Variants in PCDH7 observed in about 807,000 individuals in gnomAD.
PCDH7 encodes the protein protocadherin-7.
PCDH7 carries 17 observed loss-of-function variants against 58.9 expected under a neutral mutation model. The observed-to-expected ratio is 0.29, with a 90% CI of 0.20 to 0.43. PCDH7 has a LOEUF of 0.43. Among genes scored for constraint, PCDH7 ranks in the 20% least tolerant of loss-of-function variants. PCDH7 has a pLI of 1.00. For missense variants in PCDH7, 1,274 were observed against 1,441.0 expected (o/e 0.88, Z 1.88); for synonymous variants, 664 against 616.4 (o/e 1.08, Z -1.14).
intron 3 of PCDH7, among the ~76,000 whole-genome samples, chr4:31,008,964 T>C (rs1382928220): frequency 2.0e-5 from 3 of 152,056 alleles, no homozygotes; most frequent in Non-Finnish European, 4.4e-5. Flanking sequence ...ACACTGTATG[T>C]CCCATCACAT....
chr4:30,927,245 A>C (rs1162490690), intron 2 of PCDH7, among the ~76,000 whole-genome samples: 2 of 152,172 alleles, frequency 1.3e-5, no homozygotes, highest in Non-Finnish European at 2.9e-5. Flanking sequence ...TTTTGCTTAT[A>C]GATTACATAT....
At chr4:31,064,801 T>C (rs928772012) in intron 3 of PCDH7, among the ~76,000 whole-genome samples, 12 of 152,006 alleles carry the variant, frequency 7.9e-5, no homozygotes, top group African/African-American at 2.9e-4. Context: ...AATTATGAGA[T>C]ACTTGGAATT....
At chr4:30,840,332 A>C (rs1039845349) in intron 1 of PCDH7, among the ~76,000 whole-genome samples, 2 of 152,054 alleles carry the variant, frequency 1.3e-5, no homozygotes, top group African/African-American at 4.8e-5. Context: ...TGGACTTGGC[A>C]GGAATGCCTT....
intron 3 of PCDH7, among the ~76,000 whole-genome samples, chr4:30,955,116 AT>A (rs974161637): frequency 6.6e-6 from 1 of 151,652 alleles, no homozygotes; most frequent in Non-Finnish European, 1.5e-5. Context: ...TTAAATTTCT[AT>A]TTTTTTTCTT....
chr4:30,989,917 G>A (rs1249494095), intron 3 of PCDH7, among the ~76,000 whole-genome samples: 1 of 152,086 alleles, frequency 6.6e-6, no homozygotes, highest in Non-Finnish European at 1.5e-5. Flanking sequence ...CTAGAAAAAT[G>A]TATTAGAATT....
At chr4:30,841,042 A>G (rs755626824) in intron 1 of PCDH7, among the ~76,000 whole-genome samples, 1 of 152,140 alleles carries the variant, frequency 6.6e-6, no homozygotes, top group Non-Finnish European at 1.5e-5. Context: ...AAGACTATGG[A>G]ATTTAAATAA....
At chr4:30,839,029 C>A (rs1408613368) in intron 1 of PCDH7, among the ~76,000 whole-genome samples, 2 of 151,760 alleles carry the variant, frequency 1.3e-5, no homozygotes, top group Non-Finnish European at 2.9e-5. Context: ...AACAATAGAG[C>A]ACTAGTATGA....
At chr4:30,889,427 A>G (rs1047778690) in intron 1 of PCDH7, among the ~76,000 whole-genome samples, 22 of 152,146 alleles carry the variant, frequency 1.4e-4, no homozygotes, top group African/African-American at 5.1e-4. Context: ...AGAATGTAAA[A>G]CACCAAATGA....
At chr4:31,115,546 T>C (rs1716891291) in intron 3 of PCDH7, among the ~76,000 whole-genome samples, 1 of 152,174 alleles carries the variant, frequency 6.6e-6, no homozygotes, top group Admixed American at 6.6e-5. Context: ...CACGTATGTA[T>C]ATTGTATAAG....
rs557897527 is a variant in PCDH7, at chr4:30,944,433, C to CA, written c.288-5686dup. 4.5e-4 allele frequency among the ~76,000 whole-genome samples: 68 copies of CA among 152,048 alleles called. No individual in the cohort carries two copies. In the South Asian group the frequency reaches 8.9e-3, roughly 20 times the overall value. ...TTTTAATGTTGAATATGATGAATAT[C>CA]AGCAGATATACCCCACATAAGCAAA... On this transcript the variant is annotated intron_variant, in intron 2 of 3. Transcript: ENST00000509759.
At chr4:31,082,068 G>A (rs1180973483) in intron 3 of PCDH7, among the ~76,000 whole-genome samples, 1 of 152,182 alleles carries the variant, frequency 6.6e-6, no homozygotes, top group African/African-American at 2.4e-5. Context: ...TTACAGGCGT[G>A]AGTCACCATG....
At chr4:30,992,745 C>A (rs1465317518) in intron 3 of PCDH7, among the ~76,000 whole-genome samples, 1 of 151,018 alleles carries the variant, frequency 6.6e-6, no homozygotes. Flanking sequence ...TCCTTGCTCC[C>A]AACTACTGTT....
intron 3 of PCDH7, among the ~76,000 whole-genome samples, chr4:30,998,179 A>G (rs1444946445): frequency 6.6e-6 from 1 of 152,158 alleles, no homozygotes; most frequent in South Asian, 2.1e-4. Flanking sequence ...AGAGTTGGCC[A>G]GACTAAGATG....
intron 1 of PCDH7, among the ~76,000 whole-genome samples, chr4:30,785,889 C>A (rs1723327787): frequency 6.6e-6 from 1 of 151,970 alleles, no homozygotes; most frequent in Admixed American, 6.6e-5. Context: ...AATATTCAGA[C>A]TTACTAAGAT....
At chr4:31,054,475 G>A (rs1756996139) in intron 3 of PCDH7, among the ~76,000 whole-genome samples, 1 of 152,160 alleles carries the variant, frequency 6.6e-6, no homozygotes, top group Admixed American at 6.6e-5. Context: ...CTTACAGTGA[G>A]CAAGAACATC....
At position 31,132,353 on chromosome 4, in the gene PCDH7, C is replaced by T. The variant is rs192356470; in HGVS notation, c.*8-10120C>T. On this transcript the variant is annotated intron_variant, in intron 3 of 3. Coordinates refer to the PCDH7 transcript ENST00000509759. ...GCAAAGATAAAATGAGCGCTTCCTTCAAGATTACAACCCAAAGGTGATATT... is the reference window on the plus strand; with the variant it reads ...GCAAAGATAAAATGAGCGCTTCCTTTAAGATTACAACCCAAAGGTGATATT... Among the ~76,000 whole-genome samples, 141 of 152,112 alleles carry T rather than the reference C, an allele frequency of 9.3e-4. No homozygotes were observed. In the Middle Eastern group the frequency reaches 0.01, roughly 11 times the overall value.
intron 1 of PCDH7, among the ~76,000 whole-genome samples, chr4:30,882,073 A>ATCC (rs1228281738): frequency 7.2e-6 from 1 of 139,348 alleles, no homozygotes; most frequent in African/African-American, 2.7e-5. Flanking sequence ...CCTACCTCTC[A>ATCC]TCCTCCTCCT....
In PCDH7 at chr4:30,817,825, G is replaced by A. The variant is rs371879836; in HGVS notation, c.70+93229G>A. On this transcript the variant is annotated intron_variant, in intron 1 of 3. Transcript: ENST00000509759. ...CCTGCTTCCAACCCTGGCCCCTACAGCACTCTATTTTTAAAACCATAGCCA... is the reference window on the plus strand; with the variant it reads ...CCTGCTTCCAACCCTGGCCCCTACAACACTCTATTTTTAAAACCATAGCCA... 1.2e-4 allele frequency among the ~76,000 whole-genome samples: 18 copies of A among 152,188 alleles called. 1 individual carries two copies. The East Asian group carries it at 2.7e-3, about 23-fold the overall frequency.
intron 1 of PCDH7, among the ~76,000 whole-genome samples, chr4:30,787,349 A>G (rs1178470415): frequency 6.6e-6 from 1 of 152,104 alleles, no homozygotes; most frequent in Non-Finnish European, 1.5e-5. Flanking sequence ...AAATTAGACA[A>G]TTCAATGCTA....
Sources: allele counts gnomAD v4.1 joint callset (sites outside exome capture counted in the v4.1 genomes callset), GRCh38; gene constraint gnomAD v4.1.1; transcripts MANE v1.5; gene names NCBI Gene and HGNC (gene_info 2026-07-23, HGNC 2026-07-21).